The following DLGAP2 variants were observed in gnomAD, a reference collection of about 807,000 sequenced individuals.
The protein encoded by DLGAP2 is disks large-associated protein 2.
DLGAP2 carries 26 observed loss-of-function variants against 100.3 expected under a neutral mutation model. That is an observed-to-expected ratio of 0.26 (90% confidence interval 0.19 to 0.36). The LOEUF is 0.36. Among genes scored for constraint, DLGAP2 ranks in the 10% least tolerant of loss-of-function variants. The pLI is 1.00. For missense variants in DLGAP2, 1,858 were observed against 1,453.2 expected (o/e 1.28, Z -4.53); for synonymous variants, 886 against 630.1 (o/e 1.41, Z -6.08).
At chr8:1,261,928 C>T (rs11136372) in intron 3 of DLGAP2, among the ~76,000 whole-genome samples, 29,968 of 152,080 alleles carry the variant, frequency 0.2, 3,268 homozygotes, top group East Asian at 0.41. Flanking sequence ...GCAGCGTGTG[C>T]GGCTCGGATG....
chr8:1,191,115 T>C (rs1797624756), intron 2 of DLGAP2, among the ~76,000 whole-genome samples: 1 of 152,092 alleles, frequency 6.6e-6, no homozygotes, highest in Non-Finnish European at 1.5e-5. Flanking sequence ...TGGGATGTCT[T>C]GCAATACATT....
intron 1 of DLGAP2, among the ~76,000 whole-genome samples, chr8:862,402 A>G (rs1031946360): frequency 6.6e-6 from 1 of 150,852 alleles, no homozygotes; most frequent in Non-Finnish European, 1.5e-5. Context: ...TTCCGGGTTC[A>G]TGCCATTCTC....
chr8:1,667,483 T>G (rs564196537), intron 8 of DLGAP2, among the ~76,000 whole-genome samples: 1 of 152,144 alleles, frequency 6.6e-6, no homozygotes, highest in East Asian at 1.9e-4. Context: ...TCCGGTGGTC[T>G]TCCTACAACT....
intron 4 of DLGAP2, among the ~76,000 whole-genome samples, chr8:1,539,840 G>A (rs535956436): frequency 2.0e-5 from 3 of 152,166 alleles, no homozygotes; most frequent in African/African-American, 4.8e-5. Flanking sequence ...ACCACGGCCC[G>A]TGTCCTTGTA....
chr8:1,236,324 G>A (rs796449706), intron 2 of DLGAP2, among the ~76,000 whole-genome samples: 297 of 17,744 alleles, frequency 0.017, no homozygotes, highest in Middle Eastern at 0.042. Context: ...CGCCGTGTCT[G>A]GTTCTCTCAC....
At chr8:1,047,961 C>G (rs902408471) in intron 2 of DLGAP2, among the ~76,000 whole-genome samples, 3 of 152,298 alleles carry the variant, frequency 2.0e-5, no homozygotes, top group Admixed American at 2.0e-4. Context: ...AGTTGTAACT[C>G]AGTCTTTCTT....
intron 8 of DLGAP2, among the ~76,000 whole-genome samples, chr8:1,635,221 A>T (rs1048786815): frequency 8.5e-5 from 13 of 152,218 alleles, no homozygotes; most frequent in Non-Finnish European, 1.9e-4. Flanking sequence ...AATATAGTCT[A>T]TTTAGCAAGA....
Position 1,707,749 on chromosome 8 carries a change from C to T in DLGAP2, c.*6343C>T, listed in dbSNP as rs984902468. On this transcript the variant is annotated 3_prime_UTR_variant, in exon 15 of 15. Transcript: ENST00000637795. ...TTCAAGGAATGTTAGAACCAGGAAA[C>T]TAGCTGTTTAAAGTTTTAAAGAAGT... 3.3e-5 allele frequency: 5 copies of T among 152,122 alleles called. No homozygotes were observed. Among genetic ancestry groups the T allele is most frequent in the African/African-American group, 1.2e-4 (5 of 41,376 alleles). The allele number at this position is 152,122 out of a possible 1,614,324, so 9.4% of individuals were successfully genotyped here.
At chr8:824,747 G>A (rs1489017161) in intron 1 of DLGAP2, among the ~76,000 whole-genome samples, 1 of 152,178 alleles carries the variant, frequency 6.6e-6, no homozygotes, top group Admixed American at 6.5e-5. Flanking sequence ...ATCCAGACAT[G>A]CTGCCCTCAT....
chr8:755,591 G>T (rs1304487233), intron 1 of DLGAP2, among the ~76,000 whole-genome samples: 2 of 152,224 alleles, frequency 1.3e-5, no homozygotes, highest in Non-Finnish European at 2.9e-5. Context: ...GTGAGGTCTG[G>T]TGCGTGAGTA....
chr8:1,051,490 T>C (rs1416675202), intron 2 of DLGAP2, among the ~76,000 whole-genome samples: 1 of 152,176 alleles, frequency 6.6e-6, no homozygotes, highest in African/African-American at 2.4e-5. Flanking sequence ...CAGACTATAT[T>C]GATGTTAATA....
chr8:1,177,734 C>T lies in DLGAP2; in HGVS notation c.74-81117C>T, dbSNP rs1465204544. ...TCTGAGATTGAGATGCCAGCAGGTT[C>T]GATGTCTGGTGAGGGCTGCTTCCTG... On this transcript the variant is annotated intron_variant, in intron 2 of 14. Coordinates refer to ENST00000637795, the MANE Select transcript of DLGAP2 (RefSeq NM_001346810.2). Among the ~76,000 whole-genome samples the T allele has an allele frequency of 2.0e-5, 3 of 152,118 alleles. 1 individual carries two copies. Among genetic ancestry groups the T allele is most frequent in the Non-Finnish European group, 4.4e-5 (3 of 68,030 alleles).
At chr8:1,358,041 G>T (rs1428730937) in intron 3 of DLGAP2, among the ~76,000 whole-genome samples, 1 of 152,182 alleles carries the variant, frequency 6.6e-6, no homozygotes, top group Admixed American at 6.6e-5. Flanking sequence ...GGAACAGCTG[G>T]CAGGTGCTCC....
At chr8:974,419 A>G (rs548552131) in intron 2 of DLGAP2, among the ~76,000 whole-genome samples, 2 of 152,356 alleles carry the variant, frequency 1.3e-5, no homozygotes, top group African/African-American at 2.4e-5. Flanking sequence ...CTGTCTATAG[A>G]TGACTTCATC....
chr8:1,112,506 C>T (rs1160555201), intron 2 of DLGAP2, among the ~76,000 whole-genome samples: 4 of 152,180 alleles, frequency 2.6e-5, no homozygotes, highest in Admixed American at 1.3e-4. Context: ...TTACAAAGTG[C>T]TGGGATTGCA....
At chr8:1,086,058 T>C (rs780398948) in intron 2 of DLGAP2, among the ~76,000 whole-genome samples, 19 of 152,332 alleles carry the variant, frequency 1.2e-4, no homozygotes, top group African/African-American at 1.7e-4. Context: ...TGATTTCTTT[T>C]TTAGAAAGTT....
chr8:1,478,250 C>G (rs916564073), intron 3 of DLGAP2, among the ~76,000 whole-genome samples: 4 of 152,196 alleles, frequency 2.6e-5, no homozygotes, highest in African/African-American at 9.6e-5. Flanking sequence ...TTTCTCTGAA[C>G]TGTCTGGGGT....
intron 3 of DLGAP2, among the ~76,000 whole-genome samples, chr8:1,480,102 G>T: frequency 6.6e-6 from 1 of 152,302 alleles, no homozygotes; most frequent in East Asian, 1.9e-4. Context: ...GACGCCCCGC[G>T]CAGTGCAGAG....
At chr8:1,256,187 C>CCG (rs1799208369) in intron 2 of DLGAP2, among the ~76,000 whole-genome samples, 1 of 95,262 alleles carries the variant, frequency 1.0e-5, no homozygotes, top group Non-Finnish European at 1.8e-5. Context: ...TGCCTGGGTG[C>CCG]TGTGTGTGTC....
Sources: gnomAD v4.1 joint callset for allele counts (sites outside exome capture counted in the v4.1 genomes callset) on GRCh38, gnomAD v4.1.1 for gene constraint, MANE v1.5 for transcripts, NCBI Gene and HGNC (gene_info 2026-07-23, HGNC 2026-07-21) for gene names.